The following ODAD2 variants were observed in gnomAD, a reference collection of about 807,000 sequenced individuals.
ODAD2 encodes outer dynein arm-docking complex subunit 2.
Under a neutral mutation model 106.8 loss-of-function variants are expected in ODAD2, and 89 were observed. That is an observed-to-expected ratio of 0.83 (90% confidence interval 0.70 to 0.99). The LOEUF (loss-of-function observed/expected upper bound fraction) is 0.99, where lower values mean the gene tolerates loss of function less well. Among genes scored for constraint, ODAD2 ranks in the 50% least tolerant of loss-of-function variants. The pLI is 0.00. For synonymous variants in ODAD2, 404 were observed against 436.2 expected, an observed-to-expected ratio of 0.93 and a Z score of 0.92; for missense variants, 1,168 against 1,238.5, an observed-to-expected ratio of 0.94 and a Z score of 0.85.
At chr10:27,969,333 C>T (rs1848678009) in intron 8 of ODAD2, among the ~76,000 whole-genome samples, 1 of 151,980 alleles carries the variant, frequency 6.6e-6, no homozygotes, top group Non-Finnish European at 1.5e-5. Flanking sequence ...TTATAGTTTT[C>T]TATTTTCTTA....
At chr10:27,940,869 A>C (rs1846368982) in intron 12 of ODAD2, 64 bp from the exon 13 acceptor site, 1 of 1,523,378 alleles carries the variant, frequency 6.6e-7, no homozygotes, top group Non-Finnish European at 9.0e-7. Context: ...GGCATTCTTC[A>C]ATAGCTACAG....
chr10:27,935,314 A>G lies in ODAD2; in HGVS notation c.2253-62T>C, dbSNP rs1375165411. 7.6e-6 allele frequency: 12 copies of G among 1,584,660 alleles called. No individual in the cohort carries two copies. The South Asian group carries it at 1.4e-4, about 18-fold the overall frequency. On this transcript the variant is annotated intron_variant, in intron 15 of 19. Coordinates refer to ENST00000305242, the MANE Select transcript of ODAD2 (RefSeq NM_018076.5). ...GTATAAGGTTTGCTAAAAATTACTA[A>G]ATGTTCATTCAATCCTTACAACAAC...
chr10:27,952,427 T>A (rs1169738730), intron 10 of ODAD2, among the ~76,000 whole-genome samples: 3 of 152,058 alleles, frequency 2.0e-5, no homozygotes, highest in Non-Finnish European at 4.4e-5. Flanking sequence ...CTAGGATACA[T>A]GTGCAGAACG....
intron 17 of ODAD2, among the ~76,000 whole-genome samples, chr10:27,902,219 C>T (rs927520391): frequency 2.6e-5 from 4 of 151,982 alleles, no homozygotes; most frequent in Admixed American, 6.6e-5. Flanking sequence ...GGGTAAATAA[C>T]GAAATTAAGG....
At chr10:27,988,430 G>A (rs115088009) in intron 2 of ODAD2, among the ~76,000 whole-genome samples, 1,566 of 149,396 alleles carry the variant, frequency 0.01, 32 homozygotes, top group East Asian at 0.038. Flanking sequence ...CTCTGCCTCC[G>A]GAGCTCAAGC....
chr10:27,981,241 C>T (rs1294059033), intron 7 of ODAD2, among the ~76,000 whole-genome samples: 1 of 151,954 alleles, frequency 6.6e-6, no homozygotes, highest in Non-Finnish European at 1.5e-5. Flanking sequence ...TGGAAATTGA[C>T]AATAGTGATA....
At chr10:27,947,894 A>AT (rs1444618749) in intron 10 of ODAD2, among the ~76,000 whole-genome samples, 1 of 152,208 alleles carries the variant, frequency 6.6e-6, no homozygotes, top group Non-Finnish European at 1.5e-5. Flanking sequence ...CTATTCTTGC[A>AT]TTATAATGTT....
At chr10:27,988,450 A>G (rs1027028883) in intron 2 of ODAD2, among the ~76,000 whole-genome samples, 1 of 148,148 alleles carries the variant, frequency 6.8e-6, no homozygotes, top group African/African-American at 2.5e-5. Flanking sequence ...CAATCCTCCC[A>G]CCTCAGCCCC....
intron 14 of ODAD2, among the ~76,000 whole-genome samples, chr10:27,937,340 T>TTC (rs1491239059): frequency 1.3e-5 from 1 of 75,130 alleles, no homozygotes; most frequent in Admixed American, 1.0e-4. Context: ...TTCTTTTTTC[T>TTC]TTTTTTTTTT....
chr10:27,981,149 T>G (rs1417837339), intron 7 of ODAD2, among the ~76,000 whole-genome samples: 4 of 151,906 alleles, frequency 2.6e-5, no homozygotes, highest in East Asian at 1.9e-4. Context: ...CAGATCAGAG[T>G]TAACCAGGAA....
chr10:27,847,232 AG>A (rs1299298043), intron 19 of ODAD2, among the ~76,000 whole-genome samples: 2 of 152,210 alleles, frequency 1.3e-5, no homozygotes, highest in African/African-American at 2.4e-5. Flanking sequence ...ACTATGATCA[AG>A]TGGGCTTCAT....
chr10:27,952,584 T>C (rs1847433725), intron 10 of ODAD2, among the ~76,000 whole-genome samples: 2 of 152,128 alleles, frequency 1.3e-5, no homozygotes, highest in African/African-American at 4.8e-5. Flanking sequence ...TGTGTGTTGT[T>C]ACCCTCCCTG....
intron 19 of ODAD2, among the ~76,000 whole-genome samples, chr10:27,838,175 T>C (rs1231325951): frequency 6.6e-6 from 1 of 152,218 alleles, no homozygotes; most frequent in African/African-American, 2.4e-5. Context: ...TTAACAGGAT[T>C]GCTGTTTTCA....
chr10:27,875,341 T>G (rs895332944), intron 17 of ODAD2, among the ~76,000 whole-genome samples: 1 of 152,208 alleles, frequency 6.6e-6, no homozygotes, highest in South Asian at 2.1e-4. Flanking sequence ...TTCTGAAGCC[T>G]TCTTCTCTCA....
At chr10:27,933,328 A>C (rs1490046635) in intron 16 of ODAD2, among the ~76,000 whole-genome samples, 4 of 152,196 alleles carry the variant, frequency 2.6e-5, no homozygotes, top group Non-Finnish European at 4.4e-5. Context: ...GAAAGCAAAG[A>C]AGTTAAATGG....
intron 17 of ODAD2, among the ~76,000 whole-genome samples, chr10:27,898,176 T>C (rs1322840780): frequency 6.6e-6 from 1 of 152,142 alleles, no homozygotes. Context: ...TCAATGACCA[T>C]TGACAGTTAA....
intron 19 of ODAD2, among the ~76,000 whole-genome samples, chr10:27,821,704 A>G (rs1203285484): frequency 6.6e-6 from 1 of 152,234 alleles, no homozygotes; most frequent in East Asian, 1.9e-4. Context: ...TAGTTTTCTC[A>G]GGAAAGTGAA....
chr10:27,862,028 G>A (rs1431720703), intron 18 of ODAD2, among the ~76,000 whole-genome samples: 1 of 152,168 alleles, frequency 6.6e-6, no homozygotes, highest in East Asian at 1.9e-4. Context: ...AAGTCTTCTA[G>A]CTCAAGAATG....
chr10:27,947,045 G>C (rs779674180), intron 10 of ODAD2, among the ~76,000 whole-genome samples: 1 of 152,168 alleles, frequency 6.6e-6, no homozygotes, highest in African/African-American at 2.4e-5. Flanking sequence ...AGAATGACAA[G>C]AGCCTTAATT....
Sources: gnomAD v4.1 joint callset for allele counts (sites outside exome capture counted in the v4.1 genomes callset) on GRCh38, gnomAD v4.1.1 for gene constraint, MANE v1.5 for transcripts, NCBI Gene and HGNC (gene_info 2026-07-23, HGNC 2026-07-21) for gene names.